ALKBH6: variants seen among roughly 807,000 people sequenced by gnomAD.
The protein encoded by ALKBH6 is alkB homolog 6, nucleotide demethylase, also known as probable RNA/DNA demethylase ALKBH6.
In ALKBH6, 20 loss-of-function variants were observed where a neutral mutation model predicts 25.1. That is an observed-to-expected ratio of 0.80 (90% confidence interval 0.56 to 1.16). The LOEUF is 1.16. Ranked by LOEUF, ALKBH6 falls within the 50% of genes most tolerant of loss-of-function variation. ALKBH6 has a pLI of 0.00. For missense variants in ALKBH6, 263 were observed against 326.5 expected, an observed-to-expected ratio of 0.81 and a Z score of 1.50; for synonymous variants, 156 against 147.5, an observed-to-expected ratio of 1.06 and a Z score of -0.42.
Position 36,009,242 on chromosome 19 carries a change from C to A in ALKBH6, c.*48G>T. The A allele has an allele frequency of 7.8e-7, 1 of 1,280,564 alleles. No homozygotes were observed. Among genetic ancestry groups the A allele is most frequent in the South Asian group, 2.5e-5 (1 of 39,868 alleles). 79.3% of individuals were successfully genotyped at this position (1,280,564 alleles called of 1,614,324 possible). A position where few individuals can be genotyped will look rare whatever the true frequency, so the allele number is the denominator to read the frequency against. On this transcript the variant is annotated 3_prime_UTR_variant, in exon 7 of 7. Coordinates refer to ENST00000378875, the MANE Select transcript of ALKBH6 (RefSeq NM_032878.5). ...TCCTAGGTCGCGGAGTCACAGCAGC[C>A]CCAAAGGGGCAGGAACCTGGGAATC... is the stretch of plus-strand genomic sequence containing the variant.
intron 3 of ALKBH6, chr19:36,012,798 C>G (rs914990824): frequency 3.7e-6 from 2 of 540,122 alleles, no homozygotes; most frequent in Non-Finnish European, 6.7e-6. Flanking sequence ...ACTCCCCAGT[C>G]TCAATGATCT....
At chr19:36,014,142 C>A (rs1968712842) in intron 1 of ALKBH6, 33 bp downstream of exon 1, 1 of 1,610,932 alleles carries the variant, frequency 6.2e-7, no homozygotes, top group Admixed American at 1.7e-5. Context: ...CTATTGACAT[C>A]CATCTCTACC....
In ALKBH6 at chr19:36,013,224, G is replaced by A; in HGVS notation, c.54+120C>T. 1 of 1,467,214 alleles carries A rather than the reference G, an allele frequency of 6.8e-7. No homozygotes were observed. Among genetic ancestry groups the A allele is most frequent in the Non-Finnish European group, 9.5e-7 (1 of 1,052,524 alleles). 90.9% of individuals were successfully genotyped at this position (1,467,214 alleles called of 1,614,324 possible). ...GTCAGGGTCTAAAGTCAAGGGACCA[G>A]TGCCATTCCAGAATGGACTCTGACA... On this transcript the variant is annotated intron_variant, in intron 2 of 6. Transcript: ENST00000378875. This position sits in a 1 kb window ranked among gnomAD's most constrained non-coding sequence, Gnocchi z 4.6.
chr19:36,013,349 C>G lies in ALKBH6; in HGVS notation c.49G>C (p.Glu17Gln). The G allele has an allele frequency of 6.2e-7, 1 of 1,613,920 alleles. No individual in the cohort carries two copies. The highest frequency in any genetic ancestry group is 8.5e-7 in the Non-Finnish European group (1 of 1,179,926). ...GCACCCTGAGTTCTGACAACCTGCTCCACTCTGAACGGTTCCAGGGCTGGG... is the reference window on the plus strand; with the variant it reads ...GCACCCTGAGTTCTGACAACCTGCTGCACTCTGAACGGTTCCAGGGCTGGG... ...RVPALEPFRVEQAPPVIYYVP... is the reference protein window; with the variant it reads ...RVPALEPFRVQQAPPVIYYVP... Residue 17 changes from glutamate (E) to glutamine (Q), a missense_variant, in exon 2 of 7, where the codon GAG becomes CAG. By Grantham distance (29) the Glu-to-Gln change is conservative. Transcript: ENST00000378875. The surrounding 1 kb of genome is among the most constrained non-coding windows in gnomAD (Gnocchi z 4.6).
chr19:36,010,021 C>T lies in ALKBH6; in HGVS notation c.454-468G>A, dbSNP rs1174785990. ...AGGACATTAGAGGACAACCGCACAG[C>T]TGAGGGAGTGTCAGAGCATCCAGGA... On this transcript the variant is annotated intron_variant, in intron 6 of 6. Coordinates refer to ENST00000378875, the MANE Select transcript of ALKBH6 (RefSeq NM_032878.5). This position sits in a 1 kb window ranked among gnomAD's most constrained non-coding sequence, Gnocchi z 5.5. Among the ~76,000 whole-genome samples the T allele has an allele frequency of 6.6e-6, 1 of 152,144 alleles. No homozygotes were observed. Among genetic ancestry groups the T allele is most frequent in the Non-Finnish European group, 1.5e-5 (1 of 68,018 alleles).
Position 36,013,760 on chromosome 19 carries a change from G to A in ALKBH6, c.-25-338C>T. The stretch of plus-strand genomic sequence containing the variant: ...AGCTCTACACATAGCCCCCAGGGCT[G>A]CACTCCAGAGCCCCTTTAAACACCT... On this transcript the variant is annotated intron_variant, in intron 1 of 6. Transcript: ENST00000378875. This position sits in a 1 kb window ranked among gnomAD's most constrained non-coding sequence, Gnocchi z 4.6. 1 of 1,273,350 alleles carries A rather than the reference G, an allele frequency of 7.9e-7. No individual in the cohort carries two copies. The highest frequency in any genetic ancestry group is 9.9e-7 in the Non-Finnish European group (1 of 1,005,686). The allele number at this position is 1,273,350 out of a possible 1,614,324, so 78.9% of individuals were successfully genotyped here. A position where few individuals can be genotyped will look rare whatever the true frequency, so the allele number is the denominator to read the frequency against.
Position 36,013,786 on chromosome 19 carries a change from T to C in ALKBH6, c.-25-364A>G. ...CACTCCAGAGCCCCTTTAAACACCTTGAGACCCCGCTTCAGACCTGCAACT... is the reference window on the plus strand; with the variant it reads ...CACTCCAGAGCCCCTTTAAACACCTCGAGACCCCGCTTCAGACCTGCAACT... On this transcript the variant is annotated intron_variant, in intron 1 of 6. Transcript: ENST00000378875. The surrounding 1 kb of genome is among the most constrained non-coding windows in gnomAD (Gnocchi z 4.6). 1 of 1,267,152 alleles carries C rather than the reference T, an allele frequency of 7.9e-7. No homozygotes were observed. The highest frequency in any genetic ancestry group is 1.9e-5 in the South Asian group (1 of 51,830). The allele number at this position is 1,267,152 out of a possible 1,614,324, so 78.5% of individuals were successfully genotyped here. A position where few individuals can be genotyped will look rare whatever the true frequency, so the allele number is the denominator to read the frequency against.
At chr19:36,012,488 C>CA (rs1474325972) in intron 3 of ALKBH6, 4 of 154,756 alleles carry the variant, frequency 2.6e-5, no homozygotes, top group South Asian at 2.0e-4. Flanking sequence ...GCTATCTCAG[C>CA]AAAAAAGTCT....
Position 36,010,495 on chromosome 19 carries a change from G to T in ALKBH6, c.453+72C>A. The T allele has an allele frequency of 7.5e-7, 1 of 1,340,370 alleles. No individual in the cohort carries two copies. Among genetic ancestry groups the T allele is most frequent in the Non-Finnish European group, 1.1e-6 (1 of 943,458 alleles). The allele number at this position is 1,340,370 out of a possible 1,614,324, so 83.0% of individuals were successfully genotyped here. On this transcript the variant is annotated intron_variant, in intron 6 of 6. Transcript: ENST00000378875. This position sits in a 1 kb window ranked among gnomAD's most constrained non-coding sequence, Gnocchi z 5.5. ...CCAGGAGTACCCCGAAGGCATGTGG[G>T]ACCAGGTCATCTTGGAGGATGTGCG...
At chr19:36,011,512 T>C (rs1452474359) in intron 3 of ALKBH6, 48 bp from the exon 4 acceptor site, 3 of 1,602,836 alleles carry the variant, frequency 1.9e-6, no homozygotes, top group Admixed American at 3.4e-5. Context: ...CACCCCTCTA[T>C]GATCCTCCCA....
chr19:36,013,833 C>T lies in ALKBH6; in HGVS notation c.-26+342G>A. The stretch of plus-strand genomic sequence containing the variant: ...AACTGTGAGCCCGGCTATCAACACT[C>T]AGCGACCCCCGCCCCCCACCGAATC... On this transcript the variant is annotated intron_variant, in intron 1 of 6. Coordinates refer to ENST00000378875, the MANE Select transcript of ALKBH6 (RefSeq NM_032878.5). This position sits in a 1 kb window ranked among gnomAD's most constrained non-coding sequence, Gnocchi z 4.6. 2 of 1,297,646 alleles carry T rather than the reference C, an allele frequency of 1.5e-6. No homozygotes were observed. The highest frequency in any genetic ancestry group is 3.6e-5 in the East Asian group (1 of 27,472). The allele number at this position is 1,297,646 out of a possible 1,614,324, so 80.4% of individuals were successfully genotyped here.
Position 36,010,678 on chromosome 19 carries a change from G to A in ALKBH6, c.342C>T (p.His114=), listed in dbSNP as rs771190116. The change falls in exon 6 of 7, where the codon CAC becomes CAT. Residue 114 remains histidine, a synonymous_variant. Transcript: ENST00000378875. The surrounding 1 kb of genome is among the most constrained non-coding windows in gnomAD (Gnocchi z 5.5). The part of the protein sequence containing the change: ...QYLPGEGIMP[H]EDGPLYYPTV... ...TCGGGTAGTACAGTGGTCCGTCCTC[G>A]TGGGGCTAGGGAGTGGGCACCAGGG... 9.9e-6 allele frequency: 16 copies of A among 1,613,628 alleles called. No individual in the cohort carries two copies. The highest frequency in any genetic ancestry group is 2.2e-5 in the East Asian group (1 of 44,888).
Position 36,010,827 on chromosome 19 carries a change from G to C in ALKBH6, c.336+67C>G. ...TGCCTAATGAGTGAGGGTGGGTACAGAGTCCCCTGCCCCAGCACAGCTCAG... is the reference window on the plus strand; with the variant it reads ...TGCCTAATGAGTGAGGGTGGGTACACAGTCCCCTGCCCCAGCACAGCTCAG... On this transcript the variant is annotated intron_variant, in intron 5 of 6. Coordinates refer to ENST00000378875, the MANE Select transcript of ALKBH6 (RefSeq NM_032878.5). This position sits in a 1 kb window ranked among gnomAD's most constrained non-coding sequence, Gnocchi z 5.5. 1 of 1,600,790 alleles carries C rather than the reference G, an allele frequency of 6.2e-7. No individual in the cohort carries two copies. The highest frequency in any genetic ancestry group is 1.1e-5 in the South Asian group (1 of 90,758).
chr19:36,012,252 T>A (rs1310271108), intron 3 of ALKBH6: 1 of 151,710 alleles, frequency 6.6e-6, no homozygotes, highest in East Asian at 1.9e-4. Context: ...GGGGAGGGAG[T>A]ATGCAAAGCT....
Position 36,009,537 on chromosome 19 carries a change from CG to C in ALKBH6, c.469del (p.Arg157GlyfsTer33). 1 of 931,570 alleles carries C rather than the reference CG, an allele frequency of 1.1e-6. No individual in the cohort carries two copies. Among genetic ancestry groups the C allele is most frequent in the Non-Finnish European group, 1.2e-6 (1 of 814,258 alleles). The allele number at this position is 931,570 out of a possible 1,614,324, so 57.7% of individuals were successfully genotyped here. A position where few individuals can be genotyped will look rare whatever the true frequency, so the allele number is the denominator to read the frequency against. The part of the protein sequence containing the change: ...DPTEQPRPPP[R>X]PTTSLLLEPR... ...TTCCAGCAGTAGCGAGGTGGTGGGC[CG>C]GGGCGGAGGCCGAGGCTGCAGGGCG... On this transcript the variant is annotated frameshift_variant, in exon 7 of 7. Coordinates refer to ENST00000378875, the MANE Select transcript of ALKBH6 (RefSeq NM_032878.5). LOFTEE classifies it high-confidence loss of function.
Position 36,013,896 on chromosome 19 carries a change from C to T in ALKBH6, c.-26+279G>A. 7.4e-7 allele frequency: 1 copy of T among 1,357,810 alleles called. No homozygotes were observed. The allele number at this position is 1,357,810 out of a possible 1,614,324, so 84.1% of individuals were successfully genotyped here. A position where few individuals can be genotyped will look rare whatever the true frequency, so the allele number is the denominator to read the frequency against. On this transcript the variant is annotated intron_variant, in intron 1 of 6. Transcript: ENST00000378875. The surrounding 1 kb of genome is among the most constrained non-coding windows in gnomAD (Gnocchi z 4.6). ...CTCCTGTGACCCCAATCTGAGCCTCCTCAGACATGTCCACCCTCAGCCTCC... is the reference window on the plus strand; with the variant it reads ...CTCCTGTGACCCCAATCTGAGCCTCTTCAGACATGTCCACCCTCAGCCTCC...
Position 36,010,561 on chromosome 19 carries a change from G to A in ALKBH6, c.453+6C>T, listed in dbSNP as rs754950472. The A allele has an allele frequency of 6.2e-7, 1 of 1,611,978 alleles. No homozygotes were observed. The highest frequency in any genetic ancestry group is 8.5e-7 in the Non-Finnish European group (1 of 1,178,496). Reference sequence around the variant, plus strand: ...CAAGCAGCTGGGGCAGTGTCTGGGGGCCCACCTGTTCTGTAGGGTCATCGT... The same window carrying A: ...CAAGCAGCTGGGGCAGTGTCTGGGGACCCACCTGTTCTGTAGGGTCATCGT... On this transcript the variant is annotated splice_donor_region_variant and intron_variant, in intron 6 of 6. Coordinates refer to ENST00000378875, the MANE Select transcript of ALKBH6 (RefSeq NM_032878.5). This position sits in a 1 kb window ranked among gnomAD's most constrained non-coding sequence, Gnocchi z 5.5.
Position 36,013,713 on chromosome 19 carries a change from C to CTG in ALKBH6, c.-25-292_-25-291insCA. On this transcript the variant is annotated intron_variant, in intron 1 of 6. Transcript: ENST00000378875. This position sits in a 1 kb window ranked among gnomAD's most constrained non-coding sequence, Gnocchi z 4.6. ...CCACAGAGAACATTCTCTGGCCCCA[C>CTG]ACACAGGGAGCCTTTCTCAAAAGCT... 1 of 1,273,714 alleles carries CTG rather than the reference C, an allele frequency of 7.9e-7. No individual in the cohort carries two copies. Among genetic ancestry groups the CTG allele is most frequent in the South Asian group, 1.9e-5 (1 of 51,892 alleles). 78.9% of individuals were successfully genotyped at this position (1,273,714 alleles called of 1,614,324 possible).
Position 36,009,270 on chromosome 19 carries a change from A to AG in ALKBH6, c.*19dup. 3 of 1,313,946 alleles carry AG rather than the reference A, an allele frequency of 2.3e-6. No homozygotes were observed. Among genetic ancestry groups the AG allele is most frequent in the Middle Eastern group, 2.9e-4 (1 of 3,490 alleles). The allele number at this position is 1,313,946 out of a possible 1,614,324, so 81.4% of individuals were successfully genotyped here. ...AAAGGGGCAGGAACCTGGGAATCCG[A>AG]GGGGTCCCGGCCCTGGCGGTCACTT... On this transcript the variant is annotated 3_prime_UTR_variant, in exon 7 of 7. Coordinates refer to ENST00000378875, the MANE Select transcript of ALKBH6 (RefSeq NM_032878.5).
Sources: allele counts gnomAD v4.1 joint callset (sites outside exome capture counted in the v4.1 genomes callset), GRCh38; gene constraint gnomAD v4.1.1; non-coding constraint Gnocchi (gnomAD v3.1); transcripts MANE v1.5; gene names NCBI Gene and HGNC (gene_info 2026-07-23, HGNC 2026-07-21).